Variants in KLHL6 observed in about 807,000 individuals in gnomAD.
KLHL6 encodes the protein kelch like family member 6.
In KLHL6, 41 loss-of-function variants were observed where a neutral mutation model predicts 58.6. The ratio of observed to expected loss-of-function variants is 0.70; its 90% CI spans 0.55 to 0.91. KLHL6 has a LOEUF of 0.91. Among genes scored for constraint, KLHL6 ranks in the 40% least tolerant of loss-of-function variants. The probability of loss-of-function intolerance (pLI) is 0.00; values close to 1 mark genes in which losing one functional copy is unlikely to be tolerated. For synonymous variants in KLHL6, 338 were observed against 322.7 expected (o/e 1.05, Z -0.51); for missense variants, 714 against 805.6 (o/e 0.89, Z 1.38).
chr3:183,530,469 T>G (rs1259081492), intron 1 of KLHL6, among the ~76,000 whole-genome samples: 1 of 152,190 alleles, frequency 6.6e-6, no homozygotes, highest in African/African-American at 2.4e-5. Flanking sequence ...GATATTTAGC[T>G]GCGGATACGT....
At chr3:183,528,137 T>A in intron 1 of KLHL6, 127 bp from the exon 2 acceptor site, 3 of 977,148 alleles carry the variant, frequency 3.1e-6, no homozygotes, top group Non-Finnish European at 4.7e-6. Flanking sequence ...CCTGGGCTGG[T>A]GGCTCTCTGT....
intron 1 of KLHL6, among the ~76,000 whole-genome samples, chr3:183,535,880 A>C (rs1481252603): frequency 6.6e-6 from 1 of 152,136 alleles, no homozygotes; most frequent in Non-Finnish European, 1.5e-5. Context: ...GGTTCATGCC[A>C]TTCTCCTGCC....
At chr3:183,532,183 C>T (rs375275529) in intron 1 of KLHL6, among the ~76,000 whole-genome samples, 21 of 152,106 alleles carry the variant, frequency 1.4e-4, no homozygotes, top group African/African-American at 4.8e-4. Flanking sequence ...TGATAGGATT[C>T]GTGTCCTTAT....
rs1028810257 is a variant in KLHL6, at chr3:183,491,359, C to T, written c.*568G>A. On this transcript the variant is annotated 3_prime_UTR_variant, in exon 7 of 7. Coordinates refer to ENST00000341319, the MANE Select transcript of KLHL6 (RefSeq NM_130446.4). ...AACTCCTGACCTCAGGTCATCCGCC[C>T]GCCTCAGCCTCCCATAGGGCTGGGA... The T allele has an allele frequency of 2.0e-5, 3 of 152,412 alleles. No homozygotes were observed. The highest frequency in any genetic ancestry group is 1.3e-4 in the Admixed American group (2 of 15,304). The allele number at this position is 152,412 out of a possible 1,614,324, so 9.4% of individuals were successfully genotyped here.
At chr3:183,505,934 TC>T (rs1231990422) in intron 3 of KLHL6, among the ~76,000 whole-genome samples, 2 of 152,206 alleles carry the variant, frequency 1.3e-5, no homozygotes, top group Admixed American at 6.5e-5. Context: ...TCTGGTAAAT[TC>T]TACTAAACAT....
At chr3:183,547,204 C>T (rs1712753600) in intron 1 of KLHL6, among the ~76,000 whole-genome samples, 1 of 152,162 alleles carries the variant, frequency 6.6e-6, no homozygotes, top group Non-Finnish European at 1.5e-5. Flanking sequence ...TAAGCCACTG[C>T]ACCCGACCTC....
At chr3:183,537,127 C>G (rs1337870996) in intron 1 of KLHL6, among the ~76,000 whole-genome samples, 5 of 152,136 alleles carry the variant, frequency 3.3e-5, no homozygotes, top group Non-Finnish European at 7.3e-5. Flanking sequence ...CTGCATATTC[C>G]TCATAGACTA....
chr3:183,552,542 C>A (rs1241807164), intron 1 of KLHL6, among the ~76,000 whole-genome samples: 1 of 151,722 alleles, frequency 6.6e-6, no homozygotes, highest in Non-Finnish European at 1.5e-5. Flanking sequence ...CACAGTGAAA[C>A]CCCGTCTCTA....
chr3:183,533,187 C>G (rs1392922821), intron 1 of KLHL6, among the ~76,000 whole-genome samples: 3 of 152,144 alleles, frequency 2.0e-5, no homozygotes, highest in Non-Finnish European at 4.4e-5. Flanking sequence ...GGGATTACAC[C>G]TCTAAGTCCT....
chr3:183,548,037 T>C (rs562997859), intron 1 of KLHL6, among the ~76,000 whole-genome samples: 1 of 152,296 alleles, frequency 6.6e-6, no homozygotes, highest in South Asian at 2.1e-4. Flanking sequence ...CATTCCAGTT[T>C]ATGTCTGGGG....
chr3:183,521,890 T>C (rs978583654), intron 2 of KLHL6: 1 of 150,896 alleles, frequency 6.6e-6, no homozygotes, highest in African/African-American at 2.4e-5. Flanking sequence ...GACAGGGGTT[T>C]CACCATGTTA....
intron 1 of KLHL6, among the ~76,000 whole-genome samples, chr3:183,531,452 T>TTG (rs1357380370): frequency 0.013 from 1,742 of 134,374 alleles, 52 homozygotes; most frequent in African/African-American, 0.048. Context: ...TGTTTTTTTT[T>TTG]TTTTTTTTTT....
chr3:183,493,514 A>G (rs1380223002), intron 5 of KLHL6: 2 of 155,184 alleles, frequency 1.3e-5, no homozygotes, highest in Admixed American at 1.3e-4. Flanking sequence ...AAAATTTGAA[A>G]CTGGGAATAA....
At chr3:183,512,675 G>A (rs967470492) in intron 2 of KLHL6, among the ~76,000 whole-genome samples, 1 of 152,074 alleles carries the variant, frequency 6.6e-6, no homozygotes, top group Non-Finnish European at 1.5e-5. Flanking sequence ...ATTTTTAATA[G>A]AGATGAGGTT....
rs534097684 is a variant in KLHL6 at position 183,492,155 on chromosome 3, G to A, written c.1638C>T (p.His546=). ...GCGCGATACCGCAGCTGGCCCGCTCGTGGCTGAGCTGGGTCACCAGGCACC... is the reference window on the plus strand; with the variant it reads ...GCGCGATACCGCAGCTGGCCCGCTCATGGCTGAGCTGGGTCACCAGGCACC... ...DSWCLVTQLS[H]ERASCGIAPC... is the part of the protein sequence containing the mutation. Residue 546 remains histidine, a synonymous_variant, in exon 7 of 7, where the codon CAC becomes CAT. Transcript: ENST00000341319. The surrounding 1 kb of genome is among the most constrained non-coding windows in gnomAD (Gnocchi z 5.9). The A allele has an allele frequency of 3.7e-6, 6 of 1,613,468 alleles. No individual in the cohort carries two copies. The highest frequency in any genetic ancestry group is 2.2e-5 in the East Asian group (1 of 44,870).
rs1713072281 is a variant in KLHL6, at chr3:183,555,368, A to G, written c.286T>C (p.Tyr96His). ...HRVVLAAASN[Y>H]FRAMFCNDLK... ...GGTCCTAGGCATGCTGACCTGAAAT[A>G]GTTGCTGGCTGCGGCAAGCACCACG... is the stretch of plus-strand genomic sequence containing the variant. Residue 96 changes from tyrosine (Y) to histidine (H), a missense_variant, in exon 1 of 7, where the codon TAT becomes CAT. Transcript: ENST00000341319. 1 of 1,613,766 alleles carries G rather than the reference A, an allele frequency of 6.2e-7. No individual in the cohort carries two copies. The highest frequency in any genetic ancestry group is 8.5e-7 in the Non-Finnish European group (1 of 1,179,856).
At chr3:183,505,748 A>T (rs978786274) in intron 3 of KLHL6, among the ~76,000 whole-genome samples, 1 of 152,144 alleles carries the variant, frequency 6.6e-6, no homozygotes, top group Non-Finnish European at 1.5e-5. Flanking sequence ...TAATAAAGGA[A>T]TGCTGTGAAC....
At position 183,492,147 on chromosome 3, in the gene KLHL6, G is replaced by GC. The variant is rs1389771008; in HGVS notation, c.1645dup (p.Ala549GlyfsTer150). The stretch of plus-strand genomic sequence containing the variant: ...GTTGCAGGGCGCGATACCGCAGCTG[G>GC]CCCGCTCGTGGCTGAGCTGGGTCAC... On this transcript the variant is annotated frameshift_variant, in exon 7 of 7. Transcript: ENST00000341319. LOFTEE classifies it high-confidence loss of function. This position sits in a 1 kb window ranked among gnomAD's most constrained non-coding sequence, Gnocchi z 5.9. 6.2e-7 allele frequency: 1 copy of GC among 1,613,584 alleles called. No homozygotes were observed. The highest frequency in any genetic ancestry group is 1.3e-5 in the African/African-American group (1 of 75,056).
intron 2 of KLHL6, among the ~76,000 whole-genome samples, chr3:183,518,087 T>A (rs1019767881): frequency 2.0e-5 from 3 of 152,190 alleles, no homozygotes; most frequent in African/African-American, 7.2e-5. Context: ...CAATGTCCCC[T>A]CCTTTCTGCC....
Sources: allele counts gnomAD v4.1 joint callset (sites outside exome capture counted in the v4.1 genomes callset), GRCh38; gene constraint gnomAD v4.1.1; non-coding constraint Gnocchi (gnomAD v3.1); transcripts MANE v1.5; gene names NCBI Gene and HGNC (gene_info 2026-07-23, HGNC 2026-07-21).